Variants in HK2 observed in about 807,000 individuals in gnomAD.
HK2 encodes the protein hexokinase-2.
In HK2, 42 loss-of-function variants were observed where a neutral mutation model predicts 92.9. The ratio of observed to expected loss-of-function variants is 0.45; its 90% CI spans 0.35 to 0.58. The LOEUF (loss-of-function observed/expected upper bound fraction) is 0.58, where lower values mean the gene tolerates loss of function less well. Ranked by LOEUF, HK2 falls within the 20% of genes least tolerant of loss-of-function variation. HK2 has a pLI of 0.00. For missense variants in HK2, 978 were observed against 1,245.1 expected (o/e 0.79, Z 3.23); for synonymous variants, 422 against 468.0 (o/e 0.90, Z 1.27).
intron 1 of HK2, among the ~76,000 whole-genome samples, chr2:74,837,524 CTCTT>C (rs2103821189): frequency 6.6e-6 from 1 of 152,304 alleles, no homozygotes; most frequent in South Asian, 2.1e-4. Context: ...GTCCCTAAAA[CTCTT>C]TCTGGAGCCA....
chr2:74,855,583 A>C (rs1023229394), intron 2 of HK2, among the ~76,000 whole-genome samples: 2 of 152,230 alleles, frequency 1.3e-5, no homozygotes, highest in Non-Finnish European at 2.9e-5. Flanking sequence ...TTAATCAGGC[A>C]GGGGAAAAAG....
chr2:74,858,179 A>G (rs914330877), intron 2 of HK2, among the ~76,000 whole-genome samples: 4 of 152,266 alleles, frequency 2.6e-5, no homozygotes, highest in Admixed American at 2.0e-4. Context: ...ACCAGAATTT[A>G]TTCTTAAACA....
rs1688096561 is a variant in HK2 at position 74,834,427 on chromosome 2, C to A, written c.-154C>A. On this transcript the variant is annotated 5_prime_UTR_variant, in exon 1 of 18. Transcript: ENST00000290573. This position sits in a 1 kb window ranked among gnomAD's most constrained non-coding sequence, Gnocchi z 4.2. ...CCGCGCCCTCCGCCAGCCGGGCGCA[C>A]CCTCGCCGGTAGCCTTCTTTGTGCG... is the stretch of plus-strand genomic sequence containing the variant. 2 of 755,250 alleles carry A rather than the reference C, an allele frequency of 2.6e-6. No individual in the cohort carries two copies. The highest frequency in any genetic ancestry group is 4.6e-6 in the Non-Finnish European group (2 of 434,512). The allele number at this position is 755,250 out of a possible 1,614,324, so 46.8% of individuals were successfully genotyped here.
intron 1 of HK2, among the ~76,000 whole-genome samples, chr2:74,844,006 A>G (rs1427898838): frequency 6.6e-6 from 1 of 152,204 alleles, no homozygotes; most frequent in Non-Finnish European, 1.5e-5. Context: ...ACAAAATAGG[A>G]TAGTACCTTG....
intron 12 of HK2, 166 bp downstream of exon 12, chr2:74,882,405 G>T: frequency 2.4e-6 from 1 of 424,258 alleles, no homozygotes; most frequent in South Asian, 9.9e-5. Context: ...AGTTGAGGCT[G>T]GTGGAGGTTA....
intron 1 of HK2, among the ~76,000 whole-genome samples, chr2:74,840,064 G>A (rs1474467827): frequency 7.1e-6 from 1 of 140,226 alleles, no homozygotes; most frequent in Non-Finnish European, 1.5e-5. Context: ...CCTGCCGTTC[G>A]CCTGCCTCAG....
At chr2:74,869,300 A>G (rs1689037909) in intron 3 of HK2, among the ~76,000 whole-genome samples, 1 of 152,252 alleles carries the variant, frequency 6.6e-6, no homozygotes, top group Non-Finnish European at 1.5e-5. Context: ...AAAGCAGCAG[A>G]AAACACTTGG....
chr2:74,834,185 C>T lies in HK2; in HGVS notation c.-396C>T. 2.8e-6 allele frequency: 1 copy of T among 360,122 alleles called. No homozygotes were observed. Among genetic ancestry groups the T allele is most frequent in the Non-Finnish European group, 5.4e-6 (1 of 184,666 alleles). 22.3% of individuals were successfully genotyped at this position (360,122 alleles called of 1,614,324 possible). The stretch of plus-strand genomic sequence containing the variant: ...CGGGCTGCCGCTGGCAACATCGTGT[C>T]ACCCAGCTAAGAAAATCCGCGGGCC... On this transcript the variant is annotated 5_prime_UTR_variant, in exon 1 of 18. Coordinates refer to ENST00000290573, the MANE Select transcript of HK2 (RefSeq NM_000189.5). The surrounding 1 kb of genome is among the most constrained non-coding windows in gnomAD (Gnocchi z 4.2).
intron 16 of HK2, among the ~76,000 whole-genome samples, chr2:74,889,017 A>G (rs1013725566): frequency 6.6e-6 from 1 of 152,130 alleles, no homozygotes; most frequent in South Asian, 2.1e-4. Context: ...GAGTAGGGAG[A>G]GTAGAATGAG....
Position 74,880,299 on chromosome 2 carries a change from C to T in HK2, c.1300C>T (p.Leu434=), listed in dbSNP as rs764972557. 6.2e-7 allele frequency: 1 copy of T among 1,614,210 alleles called. No homozygotes were observed. Among genetic ancestry groups the T allele is most frequent in the East Asian group, 2.2e-5 (1 of 44,878 alleles). ...AKRLHKTVRR[L]VPGCDVRFLR... ...GCGTCTACATAAGACCGTGCGGCGG[C>T]TGGTGCCCGGCTGCGATGTCCGCTT... is the stretch of plus-strand genomic sequence containing the variant. The change falls in exon 10 of 18, where the codon CTG becomes TTG. Residue 434 remains leucine (L), a synonymous_variant. Transcript: ENST00000290573.
In HK2 at chr2:74,834,772, G is replaced by A; in HGVS notation, c.63+129G>A. ...GGGCCTGGGAGCGGAAAAAGTTTGG[G>A]CAGCCGGGACACTCCTGGGCGCCAG... On this transcript the variant is annotated intron_variant, in intron 1 of 17. Transcript: ENST00000290573. This position sits in a 1 kb window ranked among gnomAD's most constrained non-coding sequence, Gnocchi z 4.2. 1 of 1,020,334 alleles carries A rather than the reference G, an allele frequency of 9.8e-7. No individual in the cohort carries two copies. The highest frequency in any genetic ancestry group is 1.6e-5 in the African/African-American group (1 of 63,420). The allele number at this position is 1,020,334 out of a possible 1,614,324, so 63.2% of individuals were successfully genotyped here.
At chr2:74,853,983 C>T (rs1308904726) in intron 1 of HK2, among the ~76,000 whole-genome samples, 1 of 152,062 alleles carries the variant, frequency 6.6e-6, no homozygotes, top group Admixed American at 6.5e-5. Context: ...AACCCTGGCT[C>T]CAGTGATGTT....
intron 1 of HK2, among the ~76,000 whole-genome samples, chr2:74,846,211 T>G (rs532270296): frequency 8.1e-4 from 124 of 152,380 alleles, no homozygotes; most frequent in African/African-American, 2.9e-3. Flanking sequence ...GTGGCCAGAT[T>G]TAAATGATGG....
intron 3 of HK2, among the ~76,000 whole-genome samples, chr2:74,871,753 A>G (rs1185779676): frequency 6.6e-6 from 1 of 152,242 alleles, no homozygotes; most frequent in Non-Finnish European, 1.5e-5. Flanking sequence ...AGAAAAAAAT[A>G]TAAAAATTAC....
Position 74,880,334 on chromosome 2 carries a change from C to G in HK2, c.1335C>G (p.Ser445=), listed in dbSNP as rs761200069. 1.9e-5 allele frequency: 30 copies of G among 1,614,058 alleles called. No individual in the cohort carries two copies. The highest frequency in any genetic ancestry group is 2.5e-5 in the Non-Finnish European group (29 of 1,180,044). The change falls in exon 10 of 18, where the codon TCC becomes TCG. Residue 445 remains serine (S), a synonymous_variant. Transcript: ENST00000290573. ...VPGCDVRFLR[S]EDGSGKGAAM... ...GCTGCGATGTCCGCTTCCTCCGCTCCGAGGATGGCAGTGGCAAAGGTGCAG... is the reference window on the plus strand; with the variant it reads ...GCTGCGATGTCCGCTTCCTCCGCTCGGAGGATGGCAGTGGCAAAGGTGCAG...
intron 2 of HK2, among the ~76,000 whole-genome samples, chr2:74,866,456 G>T (rs925070488): frequency 4.6e-5 from 7 of 152,168 alleles, no homozygotes; most frequent in Non-Finnish European, 8.8e-5. Flanking sequence ...AGTCACCTGC[G>T]GATGCGCCTT....
rs1688096189 is a variant in HK2 at position 74,834,417 on chromosome 2, G to C, written c.-164G>C. ...CTCCGGAGACCCGCGCCCTCCGCCA[G>C]CCGGGCGCACCCTCGCCGGTAGCCT... On this transcript the variant is annotated 5_prime_UTR_variant, in exon 1 of 18. Transcript: ENST00000290573. This position sits in a 1 kb window ranked among gnomAD's most constrained non-coding sequence, Gnocchi z 4.2. 2.8e-6 allele frequency: 2 copies of C among 709,298 alleles called. No homozygotes were observed. The highest frequency in any genetic ancestry group is 5.0e-6 in the Non-Finnish European group (2 of 400,570). 43.9% of individuals were successfully genotyped at this position (709,298 alleles called of 1,614,324 possible).
In HK2 at chr2:74,834,744, T is replaced by A; in HGVS notation, c.63+101T>A. On this transcript the variant is annotated intron_variant, in intron 1 of 17. Transcript: ENST00000290573. The surrounding 1 kb of genome is among the most constrained non-coding windows in gnomAD (Gnocchi z 4.2). ...CTGCGGGGACCCGCTTCCTCCCTAC[T>A]CCGGGCCTGGGAGCGGAAAAAGTTT... The A allele has an allele frequency of 7.3e-7, 1 of 1,368,442 alleles. No individual in the cohort carries two copies. Among genetic ancestry groups the A allele is most frequent in the Non-Finnish European group, 1.0e-6 (1 of 960,920 alleles). The allele number at this position is 1,368,442 out of a possible 1,614,324, so 84.8% of individuals were successfully genotyped here.
chr2:74,885,845 AACACACACACACACACACACAC>A (rs71406901), intron 13 of HK2, among the ~76,000 whole-genome samples: 7 of 129,152 alleles, frequency 5.4e-5, no homozygotes, highest in Non-Finnish European at 8.0e-5. Context: ...AGAGCTGTGA[AACACACACACACACACACACAC>A]ACACACACAC....
Sources: gnomAD v4.1 joint callset for allele counts (sites outside exome capture counted in the v4.1 genomes callset) on GRCh38, gnomAD v4.1.1 for gene constraint, Gnocchi (gnomAD v3.1) non-coding constraint, MANE v1.5 for transcripts, NCBI Gene and HGNC (gene_info 2026-07-23, HGNC 2026-07-21) for gene names.